ARPC1A: variants seen among roughly 807,000 people sequenced by gnomAD.
ARPC1A encodes actin-related protein 2/3 complex subunit 1A.
In ARPC1A, 8 loss-of-function variants were observed where a neutral mutation model predicts 46.9. That is an observed-to-expected ratio of 0.17 (90% CI 0.10 to 0.31). The LOEUF (loss-of-function observed/expected upper bound fraction) is 0.31. ARPC1A is among the 10% of genes least tolerant of loss of function. The pLI, the probability that ARPC1A is intolerant of heterozygous loss-of-function variation, is 1.00. For missense variants in ARPC1A, 286 were observed against 483.6 expected, an observed-to-expected ratio of 0.59 and a Z score of 3.83; for synonymous variants, 152 against 169.0, an observed-to-expected ratio of 0.90 and a Z score of 0.78.
rs1453530556 is a variant in ARPC1A at position 99,325,966 on chromosome 7, T to A, written c.-68T>A. The A allele has an allele frequency of 6.6e-6, 1 of 152,490 alleles. No homozygotes were observed. The highest frequency in any genetic ancestry group is 1.5e-5 in the Non-Finnish European group (1 of 68,054). The allele number at this position is 152,490 out of a possible 1,614,324, so 9.4% of individuals were successfully genotyped here. A position where few individuals can be genotyped will look rare whatever the true frequency, so the allele number is the denominator to read the frequency against. Reference sequence around the variant, plus strand: ...GCGTCGACTGCCCAGAGTCCGCGAATCCTCCGCTCCGAGCCCGTCCGGACT... The same window carrying A: ...GCGTCGACTGCCCAGAGTCCGCGAAACCTCCGCTCCGAGCCCGTCCGGACT... On this transcript the variant is annotated 5_prime_UTR_variant, in exon 1 of 10. Transcript: ENST00000262942.
At chr7:99,352,101 T>C (rs1254885429) in intron 5 of ARPC1A, among the ~76,000 whole-genome samples, 2 of 152,088 alleles carry the variant, frequency 1.3e-5, no homozygotes, top group African/African-American at 4.8e-5. Context: ...TCAACACCAT[T>C]AGTTTGTTGC....
chr7:99,355,339 G>C (rs1473493328), intron 6 of ARPC1A, among the ~76,000 whole-genome samples: 2 of 152,030 alleles, frequency 1.3e-5, no homozygotes, highest in Non-Finnish European at 2.9e-5. Context: ...AAATTCTCCG[G>C]TTGGAAAATT....
chr7:99,360,940 CA>C (rs34464636), intron 8 of ARPC1A, among the ~76,000 whole-genome samples: 3,537 of 80,204 alleles, frequency 0.044, 35 homozygotes, highest in South Asian at 0.091. Context: ...GACTCCGTCT[CA>C]AAAAAAAAAA....
In ARPC1A at chr7:99,363,619, A is replaced by G. The variant is rs187296347; in HGVS notation, c.1060A>G (p.Ile354Val). The G allele has an allele frequency of 4.4e-5, 71 of 1,608,444 alleles. No homozygotes were observed. The highest frequency in any genetic ancestry group is 8.9e-5 in the East Asian group (4 of 44,832). Reference sequence around the variant, plus strand: ...TACTGGCATCGATGGAGCCATGACAATTTGGGATTTCAAGGTATTTTCTAC... The same window carrying G: ...TACTGGCATCGATGGAGCCATGACAGTTTGGGATTTCAAGGTATTTTCTAC... Reference protein sequence around the residue: ...CTTGIDGAMTIWDFKTLESSI... With the variant: ...CTTGIDGAMTVWDFKTLESSI... Residue 354 changes from isoleucine to valine, a missense_variant, in exon 9 of 10, where the codon ATT becomes GTT. This residue lies in a region of ARPC1A where 182 missense variants were observed against 276.7 expected (regional missense o/e 0.66). Coordinates refer to ENST00000262942, the MANE Select transcript of ARPC1A (RefSeq NM_006409.4).
chr7:99,363,679 T>G (rs772501397), intron 9 of ARPC1A, 46 bp downstream of exon 9: 66 of 1,427,520 alleles, frequency 4.6e-5, no homozygotes, highest in Non-Finnish European at 5.8e-5. Context: ...TTAAAACTTT[T>G]TTTTTTTTTT....
Position 99,341,037 on chromosome 7 carries a change from G to T in ARPC1A, c.169+2752G>T, listed in dbSNP as rs902677792. Among the ~76,000 whole-genome samples, 7 of 152,234 alleles carry T rather than the reference G, an allele frequency of 4.6e-5. No homozygotes were observed. The South Asian group carries it at 1.2e-3, about 27-fold the overall frequency. ...TAAATTGGAATTTTAGGCCGGGTGCGGTGGCTCACACCTGTAATCCCAACA... is the reference window on the plus strand; with the variant it reads ...TAAATTGGAATTTTAGGCCGGGTGCTGTGGCTCACACCTGTAATCCCAACA... On this transcript the variant is annotated intron_variant, in intron 3 of 9. Coordinates refer to ENST00000262942, the MANE Select transcript of ARPC1A (RefSeq NM_006409.4).
chr7:99,347,170 A>G (rs1793468535), intron 4 of ARPC1A, among the ~76,000 whole-genome samples: 1 of 152,140 alleles, frequency 6.6e-6, no homozygotes, highest in Non-Finnish European at 1.5e-5. Flanking sequence ...CCTGGGATCC[A>G]GCAGTCTTGC....
rs531204013 is a variant in ARPC1A at position 99,336,516 on chromosome 7, G to A, written c.65-1665G>A. On this transcript the variant is annotated intron_variant, in intron 2 of 9. Coordinates refer to ENST00000262942, the MANE Select transcript of ARPC1A (RefSeq NM_006409.4). ...TTTTTTTTTTTTTTTTTTTGAGACA[G>A]GGTCTCACTCTGTCACCCAGGCTGG... Among the ~76,000 whole-genome samples the A allele has an allele frequency of 1.2e-3, 147 of 121,360 alleles. 3 individuals carry two copies. The East Asian group carries it at 0.032, about 27-fold the overall frequency. 79.6% of individuals were successfully genotyped at this position (121,360 alleles called of 152,430 possible).
In ARPC1A at chr7:99,350,975, G is replaced by C. The variant is rs1236045867; in HGVS notation, c.500+2016G>C. On this transcript the variant is annotated intron_variant, in intron 5 of 9. Transcript: ENST00000262942. Reference sequence around the variant, plus strand: ...ATACACTTTCTTCAGTAACTGTGGAGAATTCCCAGAAAACCAGGCTAGTGG... The same window carrying C: ...ATACACTTTCTTCAGTAACTGTGGACAATTCCCAGAAAACCAGGCTAGTGG... Among the ~76,000 whole-genome samples, 33 of 151,598 alleles carry C rather than the reference G, an allele frequency of 2.2e-4. 1 individual carries two copies. In the Admixed American group the frequency reaches 2.2e-3, roughly 10 times the overall value.
At chr7:99,364,503 C>G (rs1793797266) in intron 9 of ARPC1A, among the ~76,000 whole-genome samples, 1 of 151,876 alleles carries the variant, frequency 6.6e-6, no homozygotes, top group Non-Finnish European at 1.5e-5. Context: ...AACTCCCAAC[C>G]TCAGGTGATC....
In ARPC1A at chr7:99,366,136, T is replaced by A. The variant is rs1278661477; in HGVS notation, c.*207T>A. 3.3e-6 allele frequency: 2 copies of A among 606,984 alleles called. No individual in the cohort carries two copies. Among genetic ancestry groups the A allele is most frequent in the Admixed American group, 3.2e-5 (1 of 31,506 alleles). 37.6% of individuals were successfully genotyped at this position (606,984 alleles called of 1,614,324 possible). A position where few individuals can be genotyped will look rare whatever the true frequency, so the allele number is the denominator to read the frequency against. On this transcript the variant is annotated 3_prime_UTR_variant, in exon 10 of 10. Coordinates refer to ENST00000262942, the MANE Select transcript of ARPC1A (RefSeq NM_006409.4). ...TTTGTTTGTTTTTTTGCGATTTCAT[T>A]CCATTCTTGACCAAAGCTTCTCTTT...
At chr7:99,332,730 T>C (rs1392258894) in intron 1 of ARPC1A, among the ~76,000 whole-genome samples, 1 of 147,368 alleles carries the variant, frequency 6.8e-6, no homozygotes, top group Non-Finnish European at 1.5e-5. Flanking sequence ...GCCTCCCAAG[T>C]AGCTGGGACT....
rs555893324 is a variant in ARPC1A at position 99,364,676 on chromosome 7, G to A, written c.1074+1043G>A. Reference sequence around the variant, plus strand: ...TCCATTTATTCATTGAGGAAAAATGGAGTGCTGTTTTGGAAACAGGCCCTA... The same window carrying A: ...TCCATTTATTCATTGAGGAAAAATGAAGTGCTGTTTTGGAAACAGGCCCTA... On this transcript the variant is annotated intron_variant, in intron 9 of 9. Coordinates refer to ENST00000262942, the MANE Select transcript of ARPC1A (RefSeq NM_006409.4). 5.3e-5 allele frequency among the ~76,000 whole-genome samples: 8 copies of A among 152,254 alleles called. No homozygotes were observed. The South Asian group carries it at 1.5e-3, about 28-fold the overall frequency.
At chr7:99,352,382 C>T (rs922288956) in intron 5 of ARPC1A, among the ~76,000 whole-genome samples, 5 of 152,178 alleles carry the variant, frequency 3.3e-5, no homozygotes, top group Middle Eastern at 3.4e-3. Context: ...ATTAGCTAGG[C>T]GCAGTGGCAC....
chr7:99,336,570 T>C (rs891024156), intron 2 of ARPC1A, among the ~76,000 whole-genome samples: 1 of 137,218 alleles, frequency 7.3e-6, no homozygotes, highest in East Asian at 2.4e-4. Context: ...CGGCCCAAAA[T>C]GCAGCCTCTG....
At chr7:99,346,754 C>T (rs1200723626) in intron 4 of ARPC1A, among the ~76,000 whole-genome samples, 3 of 152,138 alleles carry the variant, frequency 2.0e-5, no homozygotes, top group Non-Finnish European at 2.9e-5. Context: ...CCAAGGCAGG[C>T]GGATCACGAA....
chr7:99,347,718 T>A (rs1030175466), intron 4 of ARPC1A, among the ~76,000 whole-genome samples: 2 of 148,560 alleles, frequency 1.3e-5, no homozygotes, highest in Non-Finnish European at 3.0e-5. Flanking sequence ...AAATAAAAAA[T>A]AAATAAATAA....
rs142906076 is a variant in ARPC1A at position 99,338,253 on chromosome 7, A to G, written c.137A>G (p.His46Arg). ...AACGGGAGCCAGTGGGTGAAAGCTCATGAACTCAAGGAGCACAACGGACAC... is the reference window on the plus strand; with the variant it reads ...AACGGGAGCCAGTGGGTGAAAGCTCGTGAACTCAAGGAGCACAACGGACAC... ...KKNGSQWVKAHELKEHNGHIT... is the reference protein window; with the variant it reads ...KKNGSQWVKARELKEHNGHIT... Residue 46 changes from histidine to arginine, a missense_variant, in exon 3 of 10, where the codon CAT (histidine) becomes CGT (arginine). By Grantham distance (29) the His-to-Arg change is conservative (BLOSUM62 0). Around this residue, in one of 5 missense-constraint regions of ARPC1A, gnomAD observed 55 missense variants for 59.4 expected, o/e 0.93. Transcript: ENST00000262942. 6.2e-7 allele frequency: 1 copy of G among 1,607,542 alleles called. No homozygotes were observed. Among genetic ancestry groups the G allele is most frequent in the Non-Finnish European group, 8.5e-7 (1 of 1,174,382 alleles).
chr7:99,339,319 G>A (rs761681853), intron 3 of ARPC1A, among the ~76,000 whole-genome samples: 1 of 152,200 alleles, frequency 6.6e-6, no homozygotes, highest in Non-Finnish European at 1.5e-5. Flanking sequence ...AGGCTGAGGC[G>A]GGAGGATCGC....
Sources: allele counts gnomAD v4.1 joint callset (sites outside exome capture counted in the v4.1 genomes callset), GRCh38; gene constraint gnomAD v4.1.1; regional missense constraint gnomAD v4.1.1; transcripts MANE v1.5; gene names NCBI Gene and HGNC (gene_info 2026-07-23, HGNC 2026-07-21).